Variants in PSPC1 observed in about 807,000 individuals in gnomAD.
PSPC1 encodes paraspeckle component 1.
A neutral mutation model predicts 51.6 loss-of-function variants in PSPC1; 14 were observed. That is an observed-to-expected ratio of 0.27 (90% CI 0.18 to 0.42). PSPC1 has a LOEUF of 0.42. Ranked by LOEUF, PSPC1 falls within the 10% of genes least tolerant of loss-of-function variation. The probability of loss-of-function intolerance (pLI) is 1.00; values close to 1 mark genes in which losing one functional copy is unlikely to be tolerated. For missense variants in PSPC1, 406 were observed against 701.1 expected, an observed-to-expected ratio of 0.58 and a Z score of 4.75; for synonymous variants, 193 against 231.9, an observed-to-expected ratio of 0.83 and a Z score of 1.53.
At chr13:19,728,203 A>G (rs1883589923) in intron 6 of PSPC1, among the ~76,000 whole-genome samples, 1 of 152,218 alleles carries the variant, frequency 6.6e-6, no homozygotes, top group Non-Finnish European at 1.5e-5. Flanking sequence ...ATTATTTAAA[A>G]TGTGAAATAT....
At chr13:19,706,377 T>C (rs1162334585) in intron 7 of PSPC1, among the ~76,000 whole-genome samples, 1 of 152,102 alleles carries the variant, frequency 6.6e-6, no homozygotes, top group Non-Finnish European at 1.5e-5. Context: ...CTTGCTAAAT[T>C]ACATAAGGTA....
At chr13:19,747,103 C>T (rs928348927) in intron 4 of PSPC1, among the ~76,000 whole-genome samples, 2 of 151,734 alleles carry the variant, frequency 1.3e-5, no homozygotes, top group African/African-American at 4.8e-5. Context: ...AGTGAAACTC[C>T]GTCTCAAAAA....
intron 6 of PSPC1, among the ~76,000 whole-genome samples, 173 bp downstream of exon 6, chr13:19,730,066 C>A (rs1285668182): frequency 6.6e-6 from 1 of 152,014 alleles, no homozygotes; most frequent in Non-Finnish European, 1.5e-5. Flanking sequence ...TCTTCAGAAA[C>A]TAATTTTACT....
intron 3 of PSPC1, among the ~76,000 whole-genome samples, chr13:19,757,720 T>G (rs1041784725): frequency 1.3e-5 from 2 of 152,222 alleles, no homozygotes; most frequent in Non-Finnish European, 2.9e-5. Context: ...TTTGAGCCCC[T>G]ATGCTCAGGC....
chr13:19,756,958 T>A (rs1887138957), intron 3 of PSPC1, among the ~76,000 whole-genome samples: 1 of 151,176 alleles, frequency 6.6e-6, no homozygotes, highest in Admixed American at 6.6e-5. Flanking sequence ...TGAAACCCCG[T>A]CTCTACTAAA....
chr13:19,782,293 A>T lies in PSPC1; in HGVS notation c.372+93T>A. On this transcript the variant is annotated intron_variant, in intron 1 of 8. Coordinates refer to ENST00000338910, the MANE Select transcript of PSPC1 (RefSeq NM_001354909.2). This position sits in a 1 kb window ranked among gnomAD's most constrained non-coding sequence, Gnocchi z 4.5. The stretch of plus-strand genomic sequence containing the variant: ...GGCGCCACGGTTGCCACAGGTTGAG[A>T]CAGCGTCCTAGGACGAGGCTGGCCT... 1.4e-6 allele frequency: 2 copies of T among 1,458,004 alleles called. No homozygotes were observed. Among genetic ancestry groups the T allele is most frequent in the Non-Finnish European group, 1.8e-6 (2 of 1,108,356 alleles). The allele number at this position is 1,458,004 out of a possible 1,614,324, so 90.3% of individuals were successfully genotyped here.
At chr13:19,758,852 A>G (rs867583157) in intron 3 of PSPC1, among the ~76,000 whole-genome samples, 42 of 152,042 alleles carry the variant, frequency 2.8e-4, no homozygotes, top group African/African-American at 1.0e-3. Flanking sequence ...AAAAAAAAAA[A>G]AAGTATTTTC....
intron 7 of PSPC1, among the ~76,000 whole-genome samples, chr13:19,676,891 C>G (rs1876695915): frequency 6.6e-6 from 1 of 152,110 alleles, no homozygotes; most frequent in Non-Finnish European, 1.5e-5. Context: ...TGTGACCCCT[C>G]TCCGAAAAAG....
chr13:19,767,761 T>A (rs1888212169), intron 2 of PSPC1, among the ~76,000 whole-genome samples: 1 of 152,020 alleles, frequency 6.6e-6, no homozygotes, highest in Non-Finnish European at 1.5e-5. Context: ...AATGTATAAA[T>A]GTAAAAGCTA....
At chr13:19,743,202 A>G (rs1593684450) in intron 4 of PSPC1, among the ~76,000 whole-genome samples, 1 of 152,330 alleles carries the variant, frequency 6.6e-6, no homozygotes, top group East Asian at 1.9e-4. Context: ...TTAAAATAAT[A>G]AAATGTTAAA....
intron 6 of PSPC1, among the ~76,000 whole-genome samples, chr13:19,695,904 T>TAA (rs138117319): frequency 1.4e-5 from 2 of 141,782 alleles, no homozygotes; most frequent in Admixed American, 7.0e-5. Context: ...TTAGAAGAGA[T>TAA]AAAAAAAAAA....
At chr13:19,674,431 C>CTATT (rs1555224925), downstream of PSPC1, among the ~76,000 whole-genome samples, 1 of 152,188 alleles carries the variant, frequency 6.6e-6, no homozygotes, top group East Asian at 1.9e-4. Context: ...TCAGGAGAGT[C>CTATT]TATTTGAAGC....
At chr13:19,672,778 C>T (rs540417060), downstream of PSPC1, 1 of 214,856 alleles carries the variant, frequency 4.7e-6, no homozygotes, top group South Asian at 7.9e-5. Flanking sequence ...TAAACCAGTA[C>T]ACTATGAGAC....
intron 6 of PSPC1, among the ~76,000 whole-genome samples, chr13:19,716,448 A>G (rs1882100323): frequency 6.6e-6 from 1 of 152,200 alleles, no homozygotes; most frequent in Non-Finnish European, 1.5e-5. Context: ...CACTTTATCA[A>G]TATAACTCTT....
intron 2 of PSPC1, among the ~76,000 whole-genome samples, chr13:19,761,203 A>G (rs924577303): frequency 1.3e-5 from 2 of 152,120 alleles, no homozygotes; most frequent in African/African-American, 4.8e-5. Context: ...GGGAAGGCAG[A>G]AGACACCAGA....
At chr13:19,745,851 C>T (rs192381102) in intron 4 of PSPC1, among the ~76,000 whole-genome samples, 33 of 152,082 alleles carry the variant, frequency 2.2e-4, no homozygotes, top group African/African-American at 8.0e-4. Flanking sequence ...GATCTCCTGT[C>T]GGCATTAATG....
At chr13:19,717,705 C>CA (rs780984201) in intron 6 of PSPC1, among the ~76,000 whole-genome samples, 1,783 of 71,900 alleles carry the variant, frequency 0.025, 36 homozygotes, top group East Asian at 0.057. Context: ...GACTCTGTCT[C>CA]AAAAAAAAAA....
intron 6 of PSPC1, among the ~76,000 whole-genome samples, chr13:19,697,132 AG>A (rs1316871995): frequency 6.6e-6 from 1 of 152,156 alleles, no homozygotes; most frequent in Non-Finnish European, 1.5e-5. Context: ...GCCTCTTTTG[AG>A]GCACAATATC....
At chr13:19,728,213 T>C (rs764767702) in intron 6 of PSPC1, among the ~76,000 whole-genome samples, 9 of 152,214 alleles carry the variant, frequency 5.9e-5, no homozygotes, top group Admixed American at 1.3e-4. Context: ...ATGTGAAATA[T>C]GTAAATCAAT....
Sources: gnomAD v4.1 joint callset for allele counts (sites outside exome capture counted in the v4.1 genomes callset) on GRCh38, gnomAD v4.1.1 for gene constraint, Gnocchi (gnomAD v3.1) non-coding constraint, MANE v1.5 for transcripts, NCBI Gene and HGNC (gene_info 2026-07-23, HGNC 2026-07-21) for gene names.